Variants in USHBP1 observed in about 807,000 individuals in gnomAD.
USHBP1 encodes harmonin-binding protein USHBP1.
USHBP1 carries 67 observed loss-of-function variants against 76.2 expected under a neutral mutation model. The observed-to-expected ratio is 0.88, with a 90% CI of 0.72 to 1.08. The LOEUF is 1.08. USHBP1 is among the 50% of genes least tolerant of loss of function. The pLI is 0.00. For missense variants in USHBP1, 931 were observed against 915.0 expected (o/e 1.02, Z -0.23); for synonymous variants, 322 against 362.2 (o/e 0.89, Z 1.26).
chr19:17,249,624 A>C lies in USHBP1; in HGVS notation c.*601T>G, dbSNP rs1235382321. The stretch of plus-strand genomic sequence containing the variant: ...CCACTTTAGCCTCCTAAATATCTTT[A>C]TAGGCACATGCCACCACGCCTGGCT... On this transcript the variant is annotated 3_prime_UTR_variant, in exon 13 of 13. Transcript: ENST00000252597. 2 of 153,650 alleles carry C rather than the reference A, an allele frequency of 1.3e-5. No homozygotes were observed. The highest frequency in any genetic ancestry group is 4.8e-5 in the African/African-American group (2 of 41,398). The allele number at this position is 153,650 out of a possible 1,614,324, so 9.5% of individuals were successfully genotyped here. A position where few individuals can be genotyped will look rare whatever the true frequency, so the allele number is the denominator to read the frequency against.
chr19:17,255,333 ATGT>A (rs2073604767), intron 10 of USHBP1, 49 bp downstream of exon 10: 1 of 1,553,670 alleles, frequency 6.4e-7, no homozygotes, highest in Non-Finnish European at 8.8e-7. Flanking sequence ...GACAAGGGCT[ATGT>A]TCTCATTAGT....
rs779352350 is a variant in USHBP1 at position 17,262,735 on chromosome 19, G to T, written c.459C>A (p.Ser153Arg). Reference protein sequence around the residue: ...HSGPMEFEGTSEGGAGSLGKQ... With the variant: ...HSGPMEFEGTREGGAGSLGKQ... ...TCCCAAGGGAACCTGCTCCCCCTTCGCTTGTGCCTTCGAACTCCATCGGCC... is the reference window on the plus strand; with the variant it reads ...TCCCAAGGGAACCTGCTCCCCCTTCTCTTGTGCCTTCGAACTCCATCGGCC... The change falls in exon 4 of 13, where the codon AGC becomes AGA. Residue 153 changes from serine to arginine, a missense_variant. Physicochemically the swap from Ser to Arg is moderately radical, Grantham distance 110 (BLOSUM62 -1). Transcript: ENST00000252597. 1 of 1,614,220 alleles carries T rather than the reference G, an allele frequency of 6.2e-7. No individual in the cohort carries two copies. The highest frequency in any genetic ancestry group is 1.7e-5 in the Admixed American group (1 of 60,024).
At chr19:17,255,627 G>A in intron 9 of USHBP1, 21 bp from the exon 10 acceptor site, 2 of 1,590,378 alleles carry the variant, frequency 1.3e-6, no homozygotes, top group Non-Finnish European at 8.6e-7. Flanking sequence ...AAGGAGAGGG[G>A]AGAGAATTTA....
Position 17,259,424 on chromosome 19 carries a change from A to G in USHBP1, c.911T>C (p.Ile304Thr). The G allele has an allele frequency of 1.2e-6, 2 of 1,614,136 alleles. No individual in the cohort carries two copies. Among genetic ancestry groups the G allele is most frequent in the Non-Finnish European group, 1.7e-6 (2 of 1,180,018 alleles). The change falls in exon 7 of 13, where the codon ATT becomes ACT. Residue 304 changes from isoleucine (I) to threonine (T), a missense_variant. Coordinates refer to ENST00000252597, the MANE Select transcript of USHBP1 (RefSeq NM_031941.4). ...EAQMEQLRGS[I>T]EKLKCFNRLL... is the part of the protein sequence containing the mutation. ...ACGATTAAAGCATTTGAGCTTCTCA[A>G]TGCTCCTGTTCCCGAAGGTGGGGAA...
intron 10 of USHBP1, among the ~76,000 whole-genome samples, chr19:17,252,519 G>A (rs959796978): frequency 3.3e-5 from 5 of 152,042 alleles, no homozygotes; most frequent in Admixed American, 1.3e-4. Flanking sequence ...TTGAGGTCAG[G>A]CGTTCAAGAC....
At chr19:17,253,506 G>C (rs1171883787) in intron 10 of USHBP1, among the ~76,000 whole-genome samples, 1 of 149,446 alleles carries the variant, frequency 6.7e-6, no homozygotes, top group East Asian at 2.0e-4. Context: ...GGCCAGGCTG[G>C]TCTTGAACTC....
Position 17,259,286 on chromosome 19 carries a change from G to C in USHBP1, c.1046+3C>G. On this transcript the variant is annotated splice_donor_region_variant and intron_variant, in intron 7 of 12. Transcript: ENST00000252597. Reference sequence around the variant, plus strand: ...GGTGACATCACTGGCAGGGTGCACTGACCTGTACTGCAAGGCCAGATGCAA... The same window carrying C: ...GGTGACATCACTGGCAGGGTGCACTCACCTGTACTGCAAGGCCAGATGCAA... 3 of 1,609,930 alleles carry C rather than the reference G, an allele frequency of 1.9e-6. No homozygotes were observed. Among genetic ancestry groups the C allele is most frequent in the Non-Finnish European group, 2.5e-6 (3 of 1,178,272 alleles).
At chr19:17,259,782 G>A in intron 5 of USHBP1, 50 bp from the exon 6 acceptor site, 3 of 1,580,860 alleles carry the variant, frequency 1.9e-6, no homozygotes, top group Non-Finnish European at 2.6e-6. Flanking sequence ...CAAGAGCCTG[G>A]GATTGTAGGC....
chr19:17,260,111 A>G, intron 4 of USHBP1, 89 bp from the exon 5 acceptor site: 1 of 1,475,318 alleles, frequency 6.8e-7, no homozygotes, highest in Non-Finnish European at 9.0e-7. Context: ...GGAAGTGGCA[A>G]GAACCCTAGC....
chr19:17,259,305 G>T lies in USHBP1; in HGVS notation c.1030C>A (p.Leu344Met). 1 of 1,613,260 alleles carries T rather than the reference G, an allele frequency of 6.2e-7. No homozygotes were observed. Among genetic ancestry groups the T allele is most frequent in the South Asian group, 1.1e-5 (1 of 91,050 alleles). The change falls in exon 7 of 13, where the codon CTG becomes ATG. Residue 344 changes from leucine (L) to methionine (M), a missense_variant. Coordinates refer to ENST00000252597, the MANE Select transcript of USHBP1 (RefSeq NM_031941.4). ...QREAEATALH[L>M]ALQYSEHCEE... ...TGCACTGACCTGTACTGCAAGGCCA[G>T]ATGCAATGCTGTGGCCTCAGCCTCC...
rs1486029459 is a variant in USHBP1 at position 17,251,721 on chromosome 19, G to C, written c.1800-17C>G. The stretch of plus-strand genomic sequence containing the variant: ...TCCAGTGTCCTGTTGCGAAGGAGAA[G>C]AGAGGGGGCTCACAGCCCCAGCCGA... On this transcript the variant is annotated splice_polypyrimidine_tract_variant and intron_variant, in intron 11 of 12. Coordinates refer to ENST00000252597, the MANE Select transcript of USHBP1 (RefSeq NM_031941.4). The C allele has an allele frequency of 1.2e-6, 2 of 1,611,124 alleles. No individual in the cohort carries two copies. Among genetic ancestry groups the C allele is most frequent in the African/African-American group, 2.7e-5 (2 of 74,914 alleles).
intron 7 of USHBP1, chr19:17,258,632 T>G (rs1310766105): frequency 5.2e-6 from 2 of 388,252 alleles, no homozygotes; most frequent in African/African-American, 4.9e-5. Context: ...TCACTTGAAC[T>G]GGGGAGGCGG....
At chr19:17,264,172 C>T in intron 2 of USHBP1, 22 bp from the exon 3 acceptor site, 1 of 1,612,262 alleles carries the variant, frequency 6.2e-7, no homozygotes, top group Non-Finnish European at 8.5e-7. Context: ...CCCCGGGGCC[C>T]TGCTCTGAGC....
In USHBP1 at chr19:17,258,307, C is replaced by G; in HGVS notation, c.1125G>C (p.Met375Ile). 6.2e-7 allele frequency: 1 copy of G among 1,614,116 alleles called. No homozygotes were observed. The highest frequency in any genetic ancestry group is 1.7e-5 in the Admixed American group (1 of 59,992). The change falls in exon 8 of 13, where the codon ATG becomes ATC. Residue 375 changes from methionine (M) to isoleucine (I), a missense_variant. Met to Ile is a conservative substitution (Grantham distance 10, BLOSUM62 1). Transcript: ENST00000252597. The stretch of plus-strand genomic sequence containing the variant: ...CCTTTTCAGCTGCTTGCAGGTCACT[C>G]ATGGGGGCTTCGTCTCCTGCTCCTG... ...ADSGAGDEAP[M>I]SDLQAAEKEA...
At chr19:17,251,548 C>CCA (rs757656780) in intron 12 of USHBP1, 34 bp downstream of exon 12, 2 of 1,611,814 alleles carry the variant, frequency 1.2e-6, no homozygotes, top group East Asian at 4.5e-5. Context: ...GGGGATGGTG[C>CCA]CAGGGGGATT....
chr19:17,256,257 G>A (rs544054066), intron 9 of USHBP1, among the ~76,000 whole-genome samples: 33 of 151,936 alleles, frequency 2.2e-4, no homozygotes, highest in Non-Finnish European at 4.3e-4. Flanking sequence ...CCATAGGAAG[G>A]GCATTTTGGA....
chr19:17,251,492 A>G, intron 12 of USHBP1, 90 bp downstream of exon 12: 1 of 1,546,592 alleles, frequency 6.5e-7, no homozygotes, highest in East Asian at 2.3e-5. Flanking sequence ...GCAGTGGGGA[A>G]TGCTAAGGCC....
rs1350438186 is a variant in USHBP1, at chr19:17,262,689, A to T, written c.505T>A (p.Cys169Ser). The change falls in exon 4 of 13, where the codon TGC becomes AGC. Residue 169 changes from cysteine to serine, a missense_variant. By Grantham distance (112) the Cys-to-Ser change is moderately radical. Coordinates refer to ENST00000252597, the MANE Select transcript of USHBP1 (RefSeq NM_031941.4). ...SLGKQEGAGS[C>S]QREAARLAER... ...GCCAGGCGAGCTGCCTCTCGCTGGC[A>T]GCTCCCTGCCCCTTCCTGCTTCCCA... is the stretch of plus-strand genomic sequence containing the variant. 1 of 1,613,984 alleles carries T rather than the reference A, an allele frequency of 6.2e-7. No homozygotes were observed. The highest frequency in any genetic ancestry group is 2.2e-5 in the East Asian group (1 of 44,888).
In USHBP1 at chr19:17,258,213, T is replaced by C; in HGVS notation, c.1219A>G (p.Ser407Gly). 5 of 1,613,650 alleles carry C rather than the reference T, an allele frequency of 3.1e-6. No individual in the cohort carries two copies. The highest frequency in any genetic ancestry group is 3.4e-6 in the Non-Finnish European group (4 of 1,180,028). ...DAGAQQNPQPSPEGSSVDKPT... is the reference protein window; with the variant it reads ...DAGAQQNPQPGPEGSSVDKPT... ...GTTCCCAGGGTTCCAGGGGGGTACC[T>C]TGGCTGTGGATTCTGCTGTGCTCCT... is the stretch of plus-strand genomic sequence containing the variant. Residue 407 changes from serine to glycine, a missense_variant and splice_region_variant, in exon 8 of 13, where the codon AGC becomes GGC. Coordinates refer to ENST00000252597, the MANE Select transcript of USHBP1 (RefSeq NM_031941.4).
Sources: gnomAD v4.1 joint callset for allele counts (sites outside exome capture counted in the v4.1 genomes callset) on GRCh38, gnomAD v4.1.1 for gene constraint, MANE v1.5 for transcripts, NCBI Gene and HGNC (gene_info 2026-07-23, HGNC 2026-07-21) for gene names.